HPSE2: variants seen among roughly 807,000 people sequenced by gnomAD.
HPSE2 encodes the protein heparanase 2 (inactive), also known as inactive heparanase-2.
In HPSE2, 38 loss-of-function variants were observed where a neutral mutation model predicts 60.5. That is an observed-to-expected ratio of 0.63 (90% confidence interval 0.48 to 0.82). The LOEUF (loss-of-function observed/expected upper bound fraction) is 0.82, where lower values mean the gene tolerates loss of function less well. HPSE2 is among the 40% of genes least tolerant of loss of function. The pLI, the probability that HPSE2 is intolerant of heterozygous loss-of-function variation, is 0.00. For missense variants in HPSE2, 713 were observed against 740.4 expected, an observed-to-expected ratio of 0.96 and a Z score of 0.43; for synonymous variants, 295 against 293.2, an observed-to-expected ratio of 1.01 and a Z score of -0.06.
chr10:98,635,890 C>T (rs1046252602), intron 7 of HPSE2, among the ~76,000 whole-genome samples: 8 of 151,526 alleles, frequency 5.3e-5, no homozygotes, highest in Non-Finnish European at 1.0e-4. Flanking sequence ...CATGAATGAG[C>T]CTGGAGGACA....
chr10:99,063,533 C>A (rs1273099135), intron 3 of HPSE2, among the ~76,000 whole-genome samples: 1 of 152,124 alleles, frequency 6.6e-6, no homozygotes. Flanking sequence ...AGAGTGTAAA[C>A]CATTTAGGTG....
intron 3 of HPSE2, among the ~76,000 whole-genome samples, chr10:98,872,164 A>G (rs1375820242): frequency 6.6e-6 from 1 of 152,092 alleles, no homozygotes; most frequent in Non-Finnish European, 1.5e-5. Flanking sequence ...CTGGATGAAA[A>G]GGAAGGACCG....
At chr10:99,261,362 C>A in the HPSE2 span, among the ~76,000 whole-genome samples, 1 of 152,188 alleles carries the variant, frequency 6.6e-6, no homozygotes, top group Non-Finnish European at 1.5e-5. Flanking sequence ...GTCCGGCTTA[C>A]AGTTTCGTTC....
the HPSE2 span, among the ~76,000 whole-genome samples, chr10:99,299,674 G>A: frequency 6.6e-6 from 1 of 152,134 alleles, no homozygotes; most frequent in African/African-American, 2.4e-5. Flanking sequence ...TACCAGAGAG[G>A]ACCTCAAGAT....
chr10:98,462,330 C>T (rs1940329492), intron 11 of HPSE2, among the ~76,000 whole-genome samples: 1 of 152,138 alleles, frequency 6.6e-6, no homozygotes, highest in Non-Finnish European at 1.5e-5. Context: ...AGGCATGTGC[C>T]ACCACACCTG....
At chr10:98,927,183 C>T (rs1039454641) in intron 3 of HPSE2, among the ~76,000 whole-genome samples, 12 of 151,986 alleles carry the variant, frequency 7.9e-5, no homozygotes, top group African/African-American at 2.9e-4. Context: ...TCTCGTTGAT[C>T]TGTCTAATGT....
At chr10:98,473,837 C>G (rs1225531827) in intron 11 of HPSE2, among the ~76,000 whole-genome samples, 1 of 152,216 alleles carries the variant, frequency 6.6e-6, no homozygotes, top group Non-Finnish European at 1.5e-5. Flanking sequence ...CTAGTCCTAG[C>G]ATGAGCCAAT....
At chr10:98,633,385 G>T (rs72831956) in intron 7 of HPSE2, among the ~76,000 whole-genome samples, 2,675 of 151,476 alleles carry the variant, frequency 0.018, 25 homozygotes, top group South Asian at 0.028. Context: ...TTCTTTTTTT[G>T]TGTGTGTGTG....
At chr10:98,999,537 C>G (rs958318105) in intron 3 of HPSE2, among the ~76,000 whole-genome samples, 1 of 152,226 alleles carries the variant, frequency 6.6e-6, no homozygotes, top group African/African-American at 2.4e-5. Context: ...TTTTTCTTCC[C>G]ATGCACCATG....
At chr10:98,905,158 CTTCT>C in intron 3 of HPSE2, among the ~76,000 whole-genome samples, 1 of 151,746 alleles carries the variant, frequency 6.6e-6, no homozygotes, top group East Asian at 1.9e-4. Flanking sequence ...ACAAGTACTT[CTTCT>C]TTTTTTTTTT....
chr10:99,235,083 A>ACT (rs1849794369), intron 1 of HPSE2, among the ~76,000 whole-genome samples: 1 of 138,974 alleles, frequency 7.2e-6, no homozygotes, highest in African/African-American at 2.7e-5. Flanking sequence ...TCACACACAC[A>ACT]CACTCTCCTG....
intron 1 of HPSE2, among the ~76,000 whole-genome samples, chr10:99,233,671 A>T (rs972468942): frequency 2.6e-5 from 4 of 152,206 alleles, no homozygotes; most frequent in Non-Finnish European, 5.9e-5. Context: ...TACGAGAAAG[A>T]AAAAACAGAC....
chr10:99,003,514 CT>C (rs1304293678), intron 3 of HPSE2, among the ~76,000 whole-genome samples: 1 of 152,122 alleles, frequency 6.6e-6, no homozygotes, highest in African/African-American at 2.4e-5. Context: ...TATCTTTGGT[CT>C]TTTTGATAAT....
intron 3 of HPSE2, among the ~76,000 whole-genome samples, chr10:98,830,385 T>C (rs1951656762): frequency 6.6e-6 from 1 of 152,136 alleles, no homozygotes; most frequent in Non-Finnish European, 1.5e-5. Flanking sequence ...AGGACTTAAC[T>C]GGAAGGAGGG....
intron 3 of HPSE2, among the ~76,000 whole-genome samples, chr10:99,081,464 T>C (rs576262222): frequency 1.3e-5 from 2 of 152,202 alleles, no homozygotes; most frequent in South Asian, 4.2e-4. Context: ...TGATATTTTA[T>C]AGGATGTGCT....
intron 3 of HPSE2, among the ~76,000 whole-genome samples, chr10:99,048,915 C>G (rs1477977469): frequency 6.6e-6 from 1 of 152,140 alleles, no homozygotes; most frequent in Non-Finnish European, 1.5e-5. Context: ...AGAATCAAAT[C>G]CTGTTACTTG....
At chr10:98,585,990 A>G (rs1282179677) in intron 9 of HPSE2, among the ~76,000 whole-genome samples, 2 of 151,564 alleles carry the variant, frequency 1.3e-5, no homozygotes, top group Non-Finnish European at 2.9e-5. Context: ...TCTCTTACCT[A>G]CTTATATAAA....
intron 3 of HPSE2, among the ~76,000 whole-genome samples, chr10:98,814,788 C>A (rs577919280): frequency 2.6e-5 from 4 of 152,188 alleles, no homozygotes; most frequent in Non-Finnish European, 5.9e-5. Context: ...GCCAATAAAA[C>A]AGCCATTATT....
At chr10:98,915,633 T>G (rs1954099261) in intron 3 of HPSE2, among the ~76,000 whole-genome samples, 1 of 152,184 alleles carries the variant, frequency 6.6e-6, no homozygotes, top group Admixed American at 6.5e-5. Flanking sequence ...AGCCTAACAC[T>G]TCACATGCCC....
Sources: gnomAD v4.1 joint callset for allele counts (sites outside exome capture counted in the v4.1 genomes callset) on GRCh38, gnomAD v4.1.1 for gene constraint, MANE v1.5 for transcripts, NCBI Gene and HGNC (gene_info 2026-07-23, HGNC 2026-07-21) for gene names.